FLRT1: variants seen among roughly 807,000 people sequenced by gnomAD.
FLRT1 encodes fibronectin leucine rich transmembrane protein 1.
In FLRT1, 14 loss-of-function variants were observed where a neutral mutation model predicts 30.9. The ratio of observed to expected loss-of-function variants is 0.45; its 90% confidence interval spans 0.30 to 0.71. FLRT1 has a LOEUF of 0.71. Among genes scored for constraint, FLRT1 ranks in the 30% least tolerant of loss-of-function variants. FLRT1 has a pLI of 0.08. For missense variants in FLRT1, 737 were observed against 949.2 expected, an observed-to-expected ratio of 0.78 and a Z score of 2.94; for synonymous variants, 368 against 430.4, an observed-to-expected ratio of 0.85 and a Z score of 1.80.
In FLRT1 at chr11:64,039,615, C is replaced by G. The variant is rs1485530448; in HGVS notation, c.-1038+3456C>G. Among the ~76,000 whole-genome samples the G allele has an allele frequency of 3.3e-5, 5 of 152,300 alleles. No homozygotes were observed. The East Asian group carries it at 5.8e-4, about 18-fold the overall frequency. On this transcript the variant is annotated intron_variant, in intron 1 of 2. Coordinates refer to ENST00000682287, the MANE Select transcript of FLRT1 (RefSeq NM_013280.5). ...AGCACCCCTGTTTTGCCCTCCTCCC[C>G]CCGGACAGCCTGCCTGGAGTTCTCT...
At chr11:64,037,046 G>C (rs1465081627) in intron 1 of FLRT1, among the ~76,000 whole-genome samples, 1 of 151,400 alleles carries the variant, frequency 6.6e-6, no homozygotes, top group African/African-American at 2.4e-5. Flanking sequence ...CTCCAGGGTG[G>C]GCAGTTTTGA....
chr11:64,048,764 A>C (rs1943634224), intron 1 of FLRT1, among the ~76,000 whole-genome samples: 3 of 152,142 alleles, frequency 2.0e-5, no homozygotes, highest in Admixed American at 2.0e-4. Flanking sequence ...CATAACTCTA[A>C]GGGCGGAGCT....
At chr11:64,046,793 C>T (rs769689007) in intron 1 of FLRT1, among the ~76,000 whole-genome samples, 4 of 152,222 alleles carry the variant, frequency 2.6e-5, no homozygotes, top group Non-Finnish European at 5.9e-5. Context: ...GCCGCTGCGC[C>T]TGGCCTGGCC....
intron 1 of FLRT1, among the ~76,000 whole-genome samples, chr11:64,063,858 C>T (rs1456636908): frequency 1.3e-5 from 2 of 152,234 alleles, no homozygotes; most frequent in Non-Finnish European, 2.9e-5. Context: ...CAATGCCTCC[C>T]GCTTTCTCCC....
chr11:64,059,615 G>T (rs1393493311), intron 1 of FLRT1, among the ~76,000 whole-genome samples: 2 of 152,198 alleles, frequency 1.3e-5, no homozygotes, highest in African/African-American at 4.8e-5. Flanking sequence ...GGGTCTCGGG[G>T]TACCTGGACT....
At chr11:64,063,208 G>C (rs1943937142) in intron 1 of FLRT1, among the ~76,000 whole-genome samples, 1 of 152,144 alleles carries the variant, frequency 6.6e-6, no homozygotes, top group Admixed American at 6.5e-5. Context: ...GGTACACAGA[G>C]AGGTCGCTTA....
At chr11:64,087,707 C>T (rs1374078370) in intron 1 of FLRT1, among the ~76,000 whole-genome samples, 1 of 152,230 alleles carries the variant, frequency 6.6e-6, no homozygotes, top group African/African-American at 2.4e-5. Context: ...ATGCTGCATG[C>T]TTGGCCTGGT....
chr11:64,091,672 G>T (rs896563626), intron 1 of FLRT1, among the ~76,000 whole-genome samples: 2 of 152,172 alleles, frequency 1.3e-5, no homozygotes, highest in African/African-American at 4.8e-5. Flanking sequence ...AAGACACTCG[G>T]CCCAAGGGGC....
intron 1 of FLRT1, among the ~76,000 whole-genome samples, chr11:64,094,620 C>T (rs907169768): frequency 1.3e-5 from 2 of 152,136 alleles, no homozygotes; most frequent in African/African-American, 2.4e-5. Flanking sequence ...CATTGGGTCG[C>T]GTACGTCATG....
At chr11:64,040,591 C>CGA (rs1439871386) in intron 1 of FLRT1, among the ~76,000 whole-genome samples, 1 of 152,044 alleles carries the variant, frequency 6.6e-6, no homozygotes, top group Non-Finnish European at 1.5e-5. Flanking sequence ...CCCCTTTTCC[C>CGA]GAGAGCTGTG....
intron 2 of FLRT1, among the ~76,000 whole-genome samples, chr11:64,109,477 C>A (rs973946964): frequency 6.6e-6 from 1 of 152,132 alleles, no homozygotes; most frequent in Non-Finnish European, 1.5e-5. Flanking sequence ...ACCGTGAGCA[C>A]AGCTTCTGGG....
At chr11:64,094,942 C>T (rs1944551180) in intron 1 of FLRT1, among the ~76,000 whole-genome samples, 1 of 152,214 alleles carries the variant, frequency 6.6e-6, no homozygotes, top group East Asian at 1.9e-4. Context: ...GTTTCCCAGC[C>T]CCGTGTGCTC....
chr11:64,100,067 G>A (rs866283798), intron 1 of FLRT1, among the ~76,000 whole-genome samples: 1 of 152,198 alleles, frequency 6.6e-6, no homozygotes, highest in African/African-American at 2.4e-5. Context: ...CACTGCTACA[G>A]GTTGTATAAC....
intron 1 of FLRT1, among the ~76,000 whole-genome samples, chr11:64,094,978 G>C (rs762770222): frequency 6.6e-6 from 1 of 152,318 alleles, no homozygotes; most frequent in East Asian, 1.9e-4. Flanking sequence ...TAGGGGCCTC[G>C]TTAGCTGTGG....
chr11:64,065,449 A>G (rs1943980996), intron 1 of FLRT1, among the ~76,000 whole-genome samples: 1 of 152,150 alleles, frequency 6.6e-6, no homozygotes, highest in Non-Finnish European at 1.5e-5. Flanking sequence ...GAGGCTCCAG[A>G]GAGCCTGGCA....
intron 1 of FLRT1, among the ~76,000 whole-genome samples, chr11:64,087,960 G>A (rs533426771): frequency 6.6e-6 from 1 of 152,306 alleles, no homozygotes; most frequent in South Asian, 2.1e-4. Flanking sequence ...GGCCTCCTCA[G>A]CTGTTCGAGG....
chr11:64,114,324 T>C (rs945872816), intron 2 of FLRT1, among the ~76,000 whole-genome samples: 1 of 140,032 alleles, frequency 7.1e-6, no homozygotes, highest in African/African-American at 2.7e-5. Flanking sequence ...GACGGATGGA[T>C]GGACGGACAG....
intron 1 of FLRT1, among the ~76,000 whole-genome samples, chr11:64,040,695 C>T (rs113594930): frequency 0.01 from 1,579 of 152,218 alleles, 28 homozygotes; most frequent in African/African-American, 0.035. Context: ...CTGGGTGGAC[C>T]GAGAGCTATT....
rs780404665 is a variant in FLRT1, at chr11:64,116,198, CCT to C, written c.-49-20_-49-19del. 3.4e-4 allele frequency: 515 copies of C among 1,535,386 alleles called. No individual in the cohort carries two copies. The highest frequency in any genetic ancestry group is 4.1e-4 in the Non-Finnish European group (472 of 1,147,144). ...CTGTCGCCGCCTCCCTCTCACTGCC[CCT>C]GTCCTGTGCTCCTTGCAGGTATTCA... On this transcript the variant is annotated intron_variant, in intron 2 of 2. Coordinates refer to ENST00000682287, the MANE Select transcript of FLRT1 (RefSeq NM_013280.5).
Sources: gnomAD v4.1 joint callset for allele counts (sites outside exome capture counted in the v4.1 genomes callset) on GRCh38, gnomAD v4.1.1 for gene constraint, MANE v1.5 for transcripts, NCBI Gene and HGNC (gene_info 2026-07-23, HGNC 2026-07-21) for gene names.